ERBB4: variants seen among roughly 807,000 people sequenced by gnomAD.
ERBB4 encodes erb-b2 receptor tyrosine kinase 4.
In ERBB4, 42 loss-of-function variants were observed where a neutral mutation model predicts 158.0. That is an observed-to-expected ratio of 0.27 (90% CI 0.21 to 0.34). ERBB4 has a LOEUF of 0.34. Ranked by LOEUF, ERBB4 falls within the 10% of genes least tolerant of loss-of-function variation. The pLI, the probability that ERBB4 is intolerant of heterozygous loss-of-function variation, is 1.00. For missense variants in ERBB4, 1,333 were observed against 1,624.1 expected, an observed-to-expected ratio of 0.82 and a Z score of 3.08; for synonymous variants, 583 against 558.7, an observed-to-expected ratio of 1.04 and a Z score of -0.61.
intron 19 of ERBB4, among the ~76,000 whole-genome samples, chr2:211,613,237 T>C (rs1271783445): frequency 2.0e-5 from 3 of 152,058 alleles, no homozygotes; most frequent in Non-Finnish European, 4.4e-5. Context: ...GCCTGTATGA[T>C]TTTAAGAAGC....
At chr2:212,377,509 T>A (rs2090364637) in intron 1 of ERBB4, among the ~76,000 whole-genome samples, 1 of 151,836 alleles carries the variant, frequency 6.6e-6, no homozygotes, top group Non-Finnish European at 1.5e-5. Context: ...AATTTTAGCA[T>A]AATGGTAAAT....
intron 1 of ERBB4, among the ~76,000 whole-genome samples, chr2:212,316,600 C>T (rs1041738389): frequency 1.3e-5 from 2 of 151,296 alleles, no homozygotes; most frequent in Non-Finnish European, 3.0e-5. Flanking sequence ...AGTATTGCAC[C>T]CAGATAGTCC....
At chr2:212,348,244 T>C (rs2089101317) in intron 1 of ERBB4, among the ~76,000 whole-genome samples, 1 of 152,098 alleles carries the variant, frequency 6.6e-6, no homozygotes, top group African/African-American at 2.4e-5. Flanking sequence ...AGAAACATCC[T>C]CCAAGAGGAT....
chr2:211,716,145 C>A, intron 7 of ERBB4, among the ~76,000 whole-genome samples: 1 of 139,360 alleles, frequency 7.2e-6, no homozygotes, highest in East Asian at 2.2e-4. Flanking sequence ...GGTGGATCAC[C>A]TGAGGTAGGG....
At position 211,518,610 on chromosome 2, in the gene ERBB4, C is replaced by T. The variant is rs376683692; in HGVS notation, c.2487+43293G>A. Among the ~76,000 whole-genome samples, 31 of 151,790 alleles carry T rather than the reference C, an allele frequency of 2.0e-4. 1 individual carries two copies. In the East Asian group the frequency reaches 2.5e-3, roughly 12 times the overall value. ...CGGAGGTTGCGGTGAGCTGAGATCA[C>T]GCCACTGCCCTCTAGCCTGGGTGAC... On this transcript the variant is annotated intron_variant, in intron 20 of 27. Transcript: ENST00000342788.
intron 1 of ERBB4, among the ~76,000 whole-genome samples, chr2:212,234,853 C>G (rs1406801760): frequency 1.3e-5 from 2 of 151,870 alleles, no homozygotes; most frequent in Admixed American, 6.6e-5. Context: ...ATTTGTTTTT[C>G]TTTGTAGATT....
intron 1 of ERBB4, among the ~76,000 whole-genome samples, chr2:212,364,278 A>G (rs913816919): frequency 6.6e-6 from 1 of 151,674 alleles, no homozygotes; most frequent in Non-Finnish European, 1.5e-5. Context: ...TACACTGTGC[A>G]TGCTTTGCTT....
intron 2 of ERBB4, among the ~76,000 whole-genome samples, chr2:212,054,617 A>G (rs1311575221): frequency 6.6e-6 from 1 of 152,106 alleles, no homozygotes; most frequent in Non-Finnish European, 1.5e-5. Context: ...TTGTGCTTCC[A>G]TTTTCTCTTC....
chr2:211,534,412 G>A (rs1431339172), intron 20 of ERBB4, among the ~76,000 whole-genome samples: 1 of 152,002 alleles, frequency 6.6e-6, no homozygotes, highest in African/African-American at 2.4e-5. Context: ...CTCTCTTCAA[G>A]AATCTCCTTT....
At chr2:211,867,809 T>G (rs1379721295) in intron 3 of ERBB4, among the ~76,000 whole-genome samples, 7 of 152,236 alleles carry the variant, frequency 4.6e-5, no homozygotes, top group Non-Finnish European at 1.0e-4. Context: ...TTGTTATATA[T>G]GTAACAAATC....
At chr2:211,385,537 A>G (rs1229090800) in intron 27 of ERBB4, among the ~76,000 whole-genome samples, 1 of 152,190 alleles carries the variant, frequency 6.6e-6, no homozygotes, top group Non-Finnish European at 1.5e-5. Flanking sequence ...TAAGGAATGC[A>G]GAATTTGGTC....
At position 211,377,243 on chromosome 2, in the gene ERBB4, A is replaced by T; in HGVS notation, c.*6372T>A. On this transcript the variant is annotated 3_prime_UTR_variant, in exon 28 of 28. Transcript: ENST00000342788. ...TTGAAAACCAGATTCGTGTCAATAT[A>T]CAGGAGGTATGATTTGCTTTCCTTC... The T allele has an allele frequency of 4.3e-6, 1 of 233,162 alleles. No individual in the cohort carries two copies. The highest frequency in any genetic ancestry group is 8.5e-6 in the Non-Finnish European group (1 of 117,690). The allele number at this position is 233,162 out of a possible 1,614,324, so 14.4% of individuals were successfully genotyped here.
chr2:212,294,481 G>A (rs896268749), intron 1 of ERBB4, among the ~76,000 whole-genome samples: 1 of 151,834 alleles, frequency 6.6e-6, no homozygotes, highest in African/African-American at 2.4e-5. Flanking sequence ...TAAAATCAGA[G>A]TAATTATACT....
chr2:212,421,518 A>G (rs1261034664), intron 1 of ERBB4, among the ~76,000 whole-genome samples: 1 of 152,200 alleles, frequency 6.6e-6, no homozygotes, highest in Non-Finnish European at 1.5e-5. Context: ...AACATATTAT[A>G]GTATATGAGA....
chr2:211,859,095 T>G lies in ERBB4; in HGVS notation c.422-70936A>C, dbSNP rs571218083. ...CTGTGCTTGGCCGGCAATGTATCTT[T>G]TAATGTAACTTGATAATATTGTCCT... On this transcript the variant is annotated intron_variant, in intron 3 of 27. Transcript: ENST00000342788. Among the ~76,000 whole-genome samples, 7 of 152,324 alleles carry G rather than the reference T, an allele frequency of 4.6e-5. No homozygotes were observed. The South Asian group carries it at 1.2e-3, about 27-fold the overall frequency.
At chr2:212,518,085 C>T (rs563948564) in intron 1 of ERBB4, among the ~76,000 whole-genome samples, 2 of 152,114 alleles carry the variant, frequency 1.3e-5, no homozygotes, top group African/African-American at 2.4e-5. Context: ...TTCTCAACTA[C>T]AAGATACATA....
chr2:211,863,363 C>G (rs2078118289), intron 3 of ERBB4, among the ~76,000 whole-genome samples: 1 of 152,202 alleles, frequency 6.6e-6, no homozygotes. Flanking sequence ...GCTGGCCACC[C>G]CAGCCAGAAG....
chr2:211,668,985 G>T (rs540494806), intron 14 of ERBB4, among the ~76,000 whole-genome samples: 34 of 151,966 alleles, frequency 2.2e-4, no homozygotes, highest in Non-Finnish European at 4.1e-4. Context: ...CACTTTGGGA[G>T]GCCTAGGTGG....
chr2:212,002,845 G>A (rs1020577842), intron 2 of ERBB4, among the ~76,000 whole-genome samples: 1 of 151,916 alleles, frequency 6.6e-6, no homozygotes, highest in Non-Finnish European at 1.5e-5. Context: ...GATCACTTGA[G>A]GTCAGGAGTT....
Sources: gnomAD v4.1 joint callset for allele counts (sites outside exome capture counted in the v4.1 genomes callset) on GRCh38, gnomAD v4.1.1 for gene constraint, MANE v1.5 for transcripts, NCBI Gene and HGNC (gene_info 2026-07-23, HGNC 2026-07-21) for gene names.